Variants in NKAIN2 observed in about 807,000 individuals in gnomAD.
The protein encoded by NKAIN2 is sodium/potassium-transporting ATPase subunit beta-1-interacting protein 2.
NKAIN2 carries 14 observed loss-of-function variants against 32.6 expected under a neutral mutation model. The observed-to-expected ratio is 0.43, with a 90% CI of 0.28 to 0.67. The LOEUF (loss-of-function observed/expected upper bound fraction) is 0.67, where lower values mean the gene tolerates loss of function less well. NKAIN2 is among the 30% of genes least tolerant of loss of function. NKAIN2 has a pLI of 0.17. For missense variants in NKAIN2, 198 were observed against 258.3 expected, an observed-to-expected ratio of 0.77 and a Z score of 1.60; for synonymous variants, 80 against 87.2, an observed-to-expected ratio of 0.92 and a Z score of 0.46.
intron 1 of NKAIN2, among the ~76,000 whole-genome samples, chr6:123,809,354 A>C (rs2114857997): frequency 6.6e-6 from 1 of 152,262 alleles, no homozygotes; most frequent in South Asian, 2.1e-4. Flanking sequence ...TTTTCATACA[A>C]TGATAGAATA....
At chr6:124,719,890 G>A (rs1393170161) in intron 4 of NKAIN2, among the ~76,000 whole-genome samples, 2 of 152,090 alleles carry the variant, frequency 1.3e-5, no homozygotes, top group African/African-American at 4.8e-5. Context: ...AATTGAATTT[G>A]TCAGTTGATT....
intron 1 of NKAIN2, among the ~76,000 whole-genome samples, chr6:124,089,060 G>A (rs188299986): frequency 2.6e-5 from 4 of 152,086 alleles, no homozygotes; most frequent in Admixed American, 6.6e-5. Flanking sequence ...CATGGTTGAA[G>A]TTAACTAATA....
intron 1 of NKAIN2, among the ~76,000 whole-genome samples, chr6:123,954,731 A>G (rs1777486797): frequency 6.6e-6 from 1 of 152,142 alleles, no homozygotes; most frequent in Non-Finnish European, 1.5e-5. Flanking sequence ...TGAGATGCTG[A>G]GTGAAGGGTC....
chr6:124,695,904 A>G (rs1290147507), intron 4 of NKAIN2, among the ~76,000 whole-genome samples: 4 of 152,224 alleles, frequency 2.6e-5, no homozygotes, highest in Non-Finnish European at 5.9e-5. Context: ...GCAAAATTTT[A>G]TGTAGCATGA....
intron 3 of NKAIN2, among the ~76,000 whole-genome samples, chr6:124,611,565 C>A (rs1228542244): frequency 1.3e-5 from 2 of 152,110 alleles, no homozygotes; most frequent in Non-Finnish European, 2.9e-5. Context: ...GTGTAATGTT[C>A]CCCTCCCTCT....
chr6:124,517,474 T>C (rs1778957989), intron 3 of NKAIN2, among the ~76,000 whole-genome samples: 1 of 152,260 alleles, frequency 6.6e-6, no homozygotes, highest in African/African-American at 2.4e-5. Flanking sequence ...GCTTCCATAA[T>C]AATGCCCTCC....
intron 3 of NKAIN2, among the ~76,000 whole-genome samples, chr6:124,410,967 G>T (rs1362952304): frequency 6.6e-6 from 1 of 151,880 alleles, no homozygotes; most frequent in Non-Finnish European, 1.5e-5. Context: ...ATCTTTGTTG[G>T]TTTAAAGTCT....
intron 3 of NKAIN2, among the ~76,000 whole-genome samples, chr6:124,586,131 A>G (rs767114183): frequency 3.2e-4 from 49 of 152,172 alleles, no homozygotes; most frequent in Admixed American, 9.2e-4. Flanking sequence ...TTCTTCCATC[A>G]TAGCCCCTGG....
intron 4 of NKAIN2, among the ~76,000 whole-genome samples, chr6:124,774,053 G>C (rs1016028595): frequency 2.6e-5 from 4 of 152,158 alleles, no homozygotes; most frequent in South Asian, 2.1e-4. Context: ...ACTGAGAGTA[G>C]ATTGGAGAGT....
chr6:124,060,036 G>A (rs184682433), intron 1 of NKAIN2, among the ~76,000 whole-genome samples: 2 of 152,234 alleles, frequency 1.3e-5, no homozygotes, highest in East Asian at 3.9e-4. Context: ...CTACTTGTGG[G>A]CAGAGGCCAT....
At chr6:124,469,224 C>G (rs1031473322) in intron 3 of NKAIN2, among the ~76,000 whole-genome samples, 1 of 152,116 alleles carries the variant, frequency 6.6e-6, no homozygotes, top group Non-Finnish European at 1.5e-5. Flanking sequence ...TGATTTCTTT[C>G]TTTCCTTTTT....
At chr6:124,818,934 A>G (rs1781284457) in intron 6 of NKAIN2, among the ~76,000 whole-genome samples, 1 of 152,160 alleles carries the variant, frequency 6.6e-6, no homozygotes. Flanking sequence ...TTAAGAAAAT[A>G]AAAAACTGAG....
intron 5 of NKAIN2, among the ~76,000 whole-genome samples, chr6:124,810,529 T>A (rs988145057): frequency 6.6e-6 from 1 of 152,130 alleles, no homozygotes; most frequent in Non-Finnish European, 1.5e-5. Flanking sequence ...ATATACCTAA[T>A]GCTAGATGAC....
chr6:124,039,161 G>A (rs151055348), intron 1 of NKAIN2, among the ~76,000 whole-genome samples: 3 of 151,912 alleles, frequency 2.0e-5, no homozygotes, highest in African/African-American at 4.8e-5. Context: ...AAATATTAAT[G>A]TTACCAATAA....
intron 3 of NKAIN2, among the ~76,000 whole-genome samples, chr6:124,377,210 A>G (rs1800031328): frequency 6.6e-6 from 1 of 152,216 alleles, no homozygotes; most frequent in Non-Finnish European, 1.5e-5. Context: ...AAATCTTCAG[A>G]TCTCACCATT....
At chr6:124,597,592 G>T (rs556799120) in intron 3 of NKAIN2, among the ~76,000 whole-genome samples, 2 of 152,058 alleles carry the variant, frequency 1.3e-5, no homozygotes, top group East Asian at 3.9e-4. Flanking sequence ...AAAATGCCTT[G>T]GGAATAGCAA....
chr6:124,282,389 T>A (rs2062429200), intron 1 of NKAIN2: 1 of 258,702 alleles, frequency 3.9e-6, no homozygotes, highest in African/African-American at 2.4e-5. Context: ...ATTTGATCTA[T>A]AATACAACAC....
chr6:123,843,911 G>A (rs556206888), intron 1 of NKAIN2, among the ~76,000 whole-genome samples: 7 of 152,080 alleles, frequency 4.6e-5, no homozygotes, highest in African/African-American at 9.7e-5. Flanking sequence ...GACAAAGTCC[G>A]GGCATGATTT....
At chr6:124,159,178 C>T (rs1457875712) in intron 1 of NKAIN2, among the ~76,000 whole-genome samples, 1 of 152,170 alleles carries the variant, frequency 6.6e-6, no homozygotes, top group Non-Finnish European at 1.5e-5. Flanking sequence ...AAGAGCCTCA[C>T]ATTTTTCTAG....
Sources: gnomAD v4.1 joint callset for allele counts (sites outside exome capture counted in the v4.1 genomes callset) on GRCh38, gnomAD v4.1.1 for gene constraint, MANE v1.5 for transcripts, NCBI Gene and HGNC (gene_info 2026-07-23, HGNC 2026-07-21) for gene names.